MITF: variants seen among roughly 807,000 people sequenced by gnomAD.
MITF encodes melanocyte inducing transcription factor, also known as microphthalmia-associated transcription factor.
A neutral mutation model predicts 60.5 loss-of-function variants in MITF; 17 were observed. That is an observed-to-expected ratio of 0.28 (90% confidence interval 0.19 to 0.42). MITF has a LOEUF of 0.42. Among genes scored for constraint, MITF ranks in the 10% least tolerant of loss-of-function variants. The pLI is 1.00. For synonymous variants in MITF, 260 were observed against 248.5 expected, an observed-to-expected ratio of 1.05 and a Z score of -0.43; for missense variants, 622 against 683.5, an observed-to-expected ratio of 0.91 and a Z score of 1.00.
intron 1 of MITF, among the ~76,000 whole-genome samples, chr3:69,793,418 G>A (rs986169771): frequency 6.6e-6 from 1 of 152,120 alleles, no homozygotes; most frequent in African/African-American, 2.4e-5. Context: ...GTCATTTTAG[G>A]TCATATAGCT....
chr3:69,950,387 A>G (rs1380757106), intron 6 of MITF, among the ~76,000 whole-genome samples: 2 of 145,598 alleles, frequency 1.4e-5, no homozygotes, highest in South Asian at 2.3e-4. Context: ...CTGTGTGAGG[A>G]AAAAAAAACT....
At chr3:69,914,086 T>TTAAATCACATAGTTCACACACAC (rs1240239586) in intron 2 of MITF, among the ~76,000 whole-genome samples, 1 of 152,190 alleles carries the variant, frequency 6.6e-6, no homozygotes, top group Non-Finnish European at 1.5e-5. Context: ...ACATAGTTCA[T>TTAAATCACATAGTTCACACACAC]ATACCCATTA....
chr3:69,900,078 T>C (rs911570000), intron 2 of MITF, among the ~76,000 whole-genome samples: 4 of 152,136 alleles, frequency 2.6e-5, no homozygotes, highest in Admixed American at 2.0e-4. Context: ...AGTCTTTGCA[T>C]ATTAGGAGGA....
chr3:69,863,204 CAT>C (rs1421474188), intron 1 of MITF, among the ~76,000 whole-genome samples: 2 of 152,108 alleles, frequency 1.3e-5, no homozygotes, highest in African/African-American at 2.4e-5. Flanking sequence ...ATCCAGAAGA[CAT>C]GTGTTCGTTA....
At chr3:69,831,399 C>A (rs1382099249) in intron 1 of MITF, among the ~76,000 whole-genome samples, 1 of 152,140 alleles carries the variant, frequency 6.6e-6, no homozygotes, top group Non-Finnish European at 1.5e-5. Context: ...AACTTTTTCT[C>A]CCCTTGCCAT....
chr3:69,866,967 A>G (rs991725943), intron 1 of MITF, among the ~76,000 whole-genome samples: 2 of 152,110 alleles, frequency 1.3e-5, no homozygotes, highest in Non-Finnish European at 2.9e-5. Context: ...TGCCTGGCAT[A>G]TAAATGTAGA....
chr3:69,802,367 C>T (rs543665123), intron 1 of MITF, among the ~76,000 whole-genome samples: 5 of 152,266 alleles, frequency 3.3e-5, no homozygotes, highest in Non-Finnish European at 7.3e-5. Flanking sequence ...GAGCAGAATT[C>T]GAATTCTTTT....
chr3:69,743,438 A>G (rs1360664819), intron 1 of MITF, among the ~76,000 whole-genome samples: 1 of 152,222 alleles, frequency 6.6e-6, no homozygotes, highest in Non-Finnish European at 1.5e-5. Flanking sequence ...AGAGGAATTC[A>G]TATATTGTTC....
intron 1 of MITF, among the ~76,000 whole-genome samples, chr3:69,814,313 T>C (rs1297098529): frequency 6.6e-6 from 1 of 152,136 alleles, no homozygotes; most frequent in Non-Finnish European, 1.5e-5. Flanking sequence ...CATTCATTCA[T>C]TTAATAAGTC....
intron 5 of MITF, among the ~76,000 whole-genome samples, chr3:69,948,036 T>G (rs1576026703): frequency 6.6e-6 from 1 of 152,190 alleles, no homozygotes; most frequent in East Asian, 1.9e-4. Flanking sequence ...TTTTCTCAGA[T>G]GTAGAATACA....
At chr3:69,843,914 C>G (rs1483881616) in intron 1 of MITF, among the ~76,000 whole-genome samples, 1 of 152,110 alleles carries the variant, frequency 6.6e-6, no homozygotes, top group Non-Finnish European at 1.5e-5. Context: ...CCACGATAGA[C>G]CCCGGTGTGT....
At chr3:69,773,638 A>T (rs2062428485) in intron 1 of MITF, among the ~76,000 whole-genome samples, 2 of 152,116 alleles carry the variant, frequency 1.3e-5, no homozygotes, top group African/African-American at 4.8e-5. Flanking sequence ...TGTATGGCTG[A>T]TTACATTTCT....
chr3:69,919,978 G>A (rs1191145219), intron 2 of MITF, among the ~76,000 whole-genome samples: 1 of 152,122 alleles, frequency 6.6e-6, no homozygotes, highest in Non-Finnish European at 1.5e-5. Context: ...ACCAGATATA[G>A]ATCTTAGATA....
At chr3:69,835,966 G>T (rs2063533995) in intron 1 of MITF, among the ~76,000 whole-genome samples, 2 of 151,860 alleles carry the variant, frequency 1.3e-5, no homozygotes, top group Admixed American at 1.3e-4. Flanking sequence ...GTTTTTTTGT[G>T]ATCTCATATG....
chr3:69,784,731 C>G (rs573528831), intron 1 of MITF, among the ~76,000 whole-genome samples: 1 of 152,174 alleles, frequency 6.6e-6, no homozygotes, highest in Non-Finnish European at 1.5e-5. Context: ...TTCCAGGTGA[C>G]TTGGATAGAG....
chr3:69,867,139 A>C (rs1161211146), intron 1 of MITF, among the ~76,000 whole-genome samples: 1 of 152,204 alleles, frequency 6.6e-6, no homozygotes, highest in Non-Finnish European at 1.5e-5. Flanking sequence ...GCATTCAAGC[A>C]AATCAACTTA....
At chr3:69,918,484 T>A (rs1324603958) in intron 2 of MITF, among the ~76,000 whole-genome samples, 1 of 152,232 alleles carries the variant, frequency 6.6e-6, no homozygotes, top group Non-Finnish European at 1.5e-5. Context: ...ATTTTGGGAC[T>A]TTTAAAATAA....
chr3:69,881,159 C>G (rs2064478331), intron 2 of MITF, among the ~76,000 whole-genome samples: 2 of 152,046 alleles, frequency 1.3e-5, no homozygotes, highest in Admixed American at 6.5e-5. Context: ...CCTGGTGACA[C>G]TGGATTGAGC....
chr3:69,845,442 C>CTTTTTTTTTTTTTTTTCTTTTTTCTTTTT (rs751773040), intron 1 of MITF, among the ~76,000 whole-genome samples: 1 of 136,810 alleles, frequency 7.3e-6, no homozygotes, highest in Non-Finnish European at 1.5e-5. Context: ...TTTTTTCTTT[C>CTTTTTTTTTTTTTTTTCTTTTTTCTTTTT]TTTTTTTTTT....
Sources: allele counts gnomAD v4.1 joint callset (sites outside exome capture counted in the v4.1 genomes callset), GRCh38; gene constraint gnomAD v4.1.1; transcripts MANE v1.5; gene names NCBI Gene and HGNC (gene_info 2026-07-23, HGNC 2026-07-21).